LPCAT1: variants seen among roughly 807,000 people sequenced by gnomAD.
LPCAT1 encodes the protein 1-acylglycerol-3-phosphate O-acyltransferase.
Under a neutral mutation model 60.9 loss-of-function variants are expected in LPCAT1, and 23 were observed. The ratio of observed to expected loss-of-function variants is 0.38; its 90% CI spans 0.27 to 0.53. The LOEUF is 0.53. LPCAT1 is among the 20% of genes least tolerant of loss of function. The pLI is 0.82. For missense variants in LPCAT1, 622 were observed against 723.6 expected (o/e 0.86, Z 1.61); for synonymous variants, 340 against 301.1 (o/e 1.13, Z -1.34).
intron 3 of LPCAT1, among the ~76,000 whole-genome samples, chr5:1,492,452 C>T (rs577590951): frequency 1.3e-5 from 2 of 152,216 alleles, no homozygotes; most frequent in Non-Finnish European, 2.9e-5. Flanking sequence ...TCATCAGCCA[C>T]GCCCCAGGAC....
Position 1,477,436 on chromosome 5 carries a change from C to G in LPCAT1, c.867G>C (p.Leu289=). 6.2e-7 allele frequency: 1 copy of G among 1,614,054 alleles called. No homozygotes were observed. The highest frequency in any genetic ancestry group is 8.5e-7 in the Non-Finnish European group (1 of 1,179,962). ...TGACTCGCCGCACGTTGCTGGCATA[C>G]AGCGCGGGGTTCCTCTTCTCCTCCT... ...PSEEEKRNPA[L]YASNVRRVMA... is the part of the protein sequence containing the mutation. The change falls in exon 9 of 14, where the codon CTG becomes CTC. Residue 289 remains leucine, a synonymous_variant. Coordinates refer to ENST00000283415, the MANE Select transcript of LPCAT1 (RefSeq NM_024830.5). This position sits in a 1 kb window ranked among gnomAD's most constrained non-coding sequence, Gnocchi z 6.0.
At chr5:1,507,491 G>A (rs573623661) in intron 1 of LPCAT1, among the ~76,000 whole-genome samples, 63 of 152,350 alleles carry the variant, frequency 4.1e-4, no homozygotes, top group African/African-American at 1.5e-3. Flanking sequence ...TGCGGACTGC[G>A]GCCGCTAAAT....
At position 1,496,414 on chromosome 5, in the gene LPCAT1, C is replaced by G. The variant is rs1735792559; in HGVS notation, c.279-1500G>C. 1.4e-5 allele frequency among the ~76,000 whole-genome samples: 2 copies of G among 144,394 alleles called. No homozygotes were observed. The highest frequency in any genetic ancestry group is 6.8e-5 in the Admixed American group (1 of 14,780). 94.7% of individuals were successfully genotyped at this position (144,394 alleles called of 152,430 possible). The stretch of plus-strand genomic sequence containing the variant: ...TACTCTTCTGTGCACATGTTATTTT[C>G]CACAAAAAAAAAAAAAAAGTACAAA... On this transcript the variant is annotated intron_variant, in intron 2 of 13. Transcript: ENST00000283415. This position sits in a 1 kb window ranked among gnomAD's most constrained non-coding sequence, Gnocchi z 4.7.
chr5:1,520,594 T>C (rs1033654236), intron 1 of LPCAT1, among the ~76,000 whole-genome samples: 16 of 151,704 alleles, frequency 1.1e-4, no homozygotes, highest in Middle Eastern at 3.2e-3. Flanking sequence ...GGCGCGGTGG[T>C]TCACGCCTGT....
chr5:1,508,389 G>A (rs1232590260), intron 1 of LPCAT1, among the ~76,000 whole-genome samples: 1 of 152,210 alleles, frequency 6.6e-6, no homozygotes, highest in Non-Finnish European at 1.5e-5. Flanking sequence ...GGCTGTTAGA[G>A]AGGTGACGAA....
chr5:1,513,740 G>C (rs1736423426), intron 1 of LPCAT1, among the ~76,000 whole-genome samples: 1 of 141,570 alleles, frequency 7.1e-6, no homozygotes, highest in African/African-American at 2.7e-5. Flanking sequence ...CGTGGGGCGG[G>C]ACACCCTGCG....
At position 1,461,633 on chromosome 5, in the gene LPCAT1, T is replaced by G. The variant is rs1184816712; in HGVS notation, c.*2018A>C. On this transcript the variant is annotated 3_prime_UTR_variant, in exon 14 of 14. Coordinates refer to ENST00000283415, the MANE Select transcript of LPCAT1 (RefSeq NM_024830.5). Reference sequence around the variant, plus strand: ...GGGTTTAACTCAACGCTATGTACATTCACAGTTCCGAATATCCGCCAACTC... The same window carrying G: ...GGGTTTAACTCAACGCTATGTACATGCACAGTTCCGAATATCCGCCAACTC... 3 of 152,792 alleles carry G rather than the reference T, an allele frequency of 2.0e-5. No individual in the cohort carries two copies. The highest frequency in any genetic ancestry group is 7.2e-5 in the African/African-American group (3 of 41,438). 9.5% of individuals were successfully genotyped at this position (152,792 alleles called of 1,614,324 possible).
intron 13 of LPCAT1, 55 bp downstream of exon 13, chr5:1,466,692 ACT>A: frequency 8.5e-6 from 13 of 1,535,040 alleles, no homozygotes; most frequent in Non-Finnish European, 1.1e-5. Flanking sequence ...CTCGCCCCAC[ACT>A]CTGTCCAGCC....
intron 7 of LPCAT1, 54 bp from the exon 8 acceptor site, chr5:1,479,729 A>C (rs762323608): frequency 1.8e-5 from 24 of 1,366,386 alleles, no homozygotes; most frequent in Non-Finnish European, 2.5e-5. Context: ...GTTAACAAGT[A>C]AATTACTCCC....
At chr5:1,479,469 G>T (rs1735045669) in intron 8 of LPCAT1, 152 bp downstream of exon 8, 3 of 648,406 alleles carry the variant, frequency 4.6e-6, no homozygotes, top group Non-Finnish European at 8.5e-6. Context: ...GCAACCAGAG[G>T]CTCCTCGAAG....
intron 3 of LPCAT1, among the ~76,000 whole-genome samples, chr5:1,492,614 C>A (rs577205391): frequency 3.3e-5 from 5 of 152,330 alleles, no homozygotes; most frequent in African/African-American, 1.2e-4. Context: ...CAGGGCTCCA[C>A]GAGGGCCCTG....
rs11133792 is a variant in LPCAT1, at chr5:1,477,116, A to G, written c.899+288T>C. Among the ~76,000 whole-genome samples the G allele has an allele frequency of 6.6e-6, 1 of 152,290 alleles. No individual in the cohort carries two copies. Among genetic ancestry groups the G allele is most frequent in the East Asian group, 1.9e-4 (1 of 5,176 alleles). ...GCCCAGGCCAGCGCCCCGCTGGCTC[A>G]TTTAGGGCACAGGAAACATAGGACC... On this transcript the variant is annotated intron_variant, in intron 9 of 13. Coordinates refer to ENST00000283415, the MANE Select transcript of LPCAT1 (RefSeq NM_024830.5). The surrounding 1 kb of genome is among the most constrained non-coding windows in gnomAD (Gnocchi z 6.0).
At chr5:1,468,005 G>T (rs749437547) in intron 12 of LPCAT1, among the ~76,000 whole-genome samples, 1 of 152,110 alleles carries the variant, frequency 6.6e-6, no homozygotes, top group Non-Finnish European at 1.5e-5. Flanking sequence ...GAAGTGGGCT[G>T]CCTGGGAGGG....
chr5:1,509,752 G>A lies in LPCAT1; in HGVS notation c.136-8149C>T, dbSNP rs542995383. Among the ~76,000 whole-genome samples the A allele has an allele frequency of 1.8e-3, 273 of 152,310 alleles. 1 individual carries two copies. Among genetic ancestry groups the A allele is most frequent in the African/African-American group, 6.0e-3 (251 of 41,560 alleles). On this transcript the variant is annotated intron_variant, in intron 1 of 13. Coordinates refer to ENST00000283415, the MANE Select transcript of LPCAT1 (RefSeq NM_024830.5). The stretch of plus-strand genomic sequence containing the variant: ...CGCTGCCTTCAAATATGGAATCAGC[G>A]ATCACGCCCACAATGAATTCTCATA...
intron 4 of LPCAT1, among the ~76,000 whole-genome samples, chr5:1,489,468 G>A (rs1420622065): frequency 1.3e-5 from 2 of 152,220 alleles, no homozygotes; most frequent in Non-Finnish European, 2.9e-5. Flanking sequence ...CAGGAGGGCG[G>A]GTGAGCAATG....
At chr5:1,498,481 T>C (rs1189764788) in intron 2 of LPCAT1, among the ~76,000 whole-genome samples, 2 of 152,162 alleles carry the variant, frequency 1.3e-5, no homozygotes, top group Non-Finnish European at 2.9e-5. Context: ...CTCCCACACA[T>C]GCACACATTC....
rs1180956012 is a variant in LPCAT1, at chr5:1,523,580, G to A, written c.135+130C>T. On this transcript the variant is annotated intron_variant, in intron 1 of 13. Transcript: ENST00000283415. This position sits in a 1 kb window ranked among gnomAD's most constrained non-coding sequence, Gnocchi z 7.1. The stretch of plus-strand genomic sequence containing the variant: ...CTGAGGGGCGGCCGCGGGGAGGGAA[G>A]GCGCCGCGGCTCGCAGGGCCGCGCC... The A allele has an allele frequency of 3.2e-5, 18 of 555,286 alleles. No homozygotes were observed. Among genetic ancestry groups the A allele is most frequent in the Non-Finnish European group, 3.2e-5 (14 of 434,006 alleles). The allele number at this position is 555,286 out of a possible 1,614,324, so 34.4% of individuals were successfully genotyped here.
At chr5:1,486,684 C>A (rs1240247033) in intron 5 of LPCAT1, among the ~76,000 whole-genome samples, 2 of 152,160 alleles carry the variant, frequency 1.3e-5, no homozygotes, top group African/African-American at 4.8e-5. Context: ...ACGCACCACA[C>A]ACCAATTTCA....
At chr5:1,506,840 G>A (rs1407650852) in intron 1 of LPCAT1, among the ~76,000 whole-genome samples, 2 of 152,182 alleles carry the variant, frequency 1.3e-5, no homozygotes, top group African/African-American at 2.4e-5. Flanking sequence ...GCAAGCGTGC[G>A]TTTACAGACC....
Sources: gnomAD v4.1 joint callset for allele counts (sites outside exome capture counted in the v4.1 genomes callset) on GRCh38, gnomAD v4.1.1 for gene constraint, Gnocchi (gnomAD v3.1) non-coding constraint, MANE v1.5 for transcripts, NCBI Gene and HGNC (gene_info 2026-07-23, HGNC 2026-07-21) for gene names.